The following ROBO2 variants were observed in gnomAD, a reference collection of about 807,000 sequenced individuals.
ROBO2 encodes roundabout guidance receptor 2.
Under a neutral mutation model 160.8 loss-of-function variants are expected in ROBO2, and 53 were observed. The observed-to-expected ratio is 0.33, with a 90% CI of 0.26 to 0.41. The LOEUF is 0.41. Ranked by LOEUF, ROBO2 falls within the 10% of genes least tolerant of loss-of-function variation. The probability of loss-of-function intolerance (pLI) is 1.00; values close to 1 mark genes in which losing one functional copy is unlikely to be tolerated. For synonymous variants in ROBO2, 664 were observed against 611.7 expected (o/e 1.09, Z -1.26); for missense variants, 1,577 against 1,722.4 (o/e 0.92, Z 1.49).
chr3:76,853,322 C>A (rs1002480093), intron 2 of ROBO2, among the ~76,000 whole-genome samples: 2 of 151,992 alleles, frequency 1.3e-5, no homozygotes, highest in Non-Finnish European at 2.9e-5. Flanking sequence ...AGTTACTCAG[C>A]CTTAGAAAGT....
intron 2 of ROBO2, among the ~76,000 whole-genome samples, chr3:77,430,216 A>G (rs2078634289): frequency 6.6e-6 from 1 of 152,104 alleles, no homozygotes; most frequent in Non-Finnish European, 1.5e-5. Flanking sequence ...GGTGACTAGA[A>G]GGGTGAGGGG....
At chr3:77,128,406 C>G (rs545654448) in intron 2 of ROBO2, among the ~76,000 whole-genome samples, 11 of 152,254 alleles carry the variant, frequency 7.2e-5, no homozygotes, top group African/African-American at 2.6e-4. Flanking sequence ...GGTACTATCC[C>G]TGGTTTCAGA....
intron 2 of ROBO2, among the ~76,000 whole-genome samples, chr3:76,281,509 C>T (rs1349316317): frequency 6.6e-6 from 1 of 151,818 alleles, no homozygotes; most frequent in East Asian, 1.9e-4. Context: ...CATAGTACTT[C>T]TATATACTGT....
At chr3:76,363,247 A>T (rs1404457771) in intron 2 of ROBO2, among the ~76,000 whole-genome samples, 1 of 151,934 alleles carries the variant, frequency 6.6e-6, no homozygotes, top group Non-Finnish European at 1.5e-5. Flanking sequence ...AGAGGGAATC[A>T]GTATCACATT....
chr3:77,154,274 T>C (rs2077788064), intron 2 of ROBO2, among the ~76,000 whole-genome samples: 1 of 152,040 alleles, frequency 6.6e-6, no homozygotes, highest in Non-Finnish European at 1.5e-5. Context: ...AAGCAATCAA[T>C]AATAAATAGG....
intron 2 of ROBO2, among the ~76,000 whole-genome samples, chr3:76,852,833 G>A (rs1347837824): frequency 6.6e-6 from 1 of 152,002 alleles, no homozygotes; most frequent in East Asian, 1.9e-4. Context: ...TACATTCACT[G>A]TTATATATAT....
chr3:76,243,199 C>G (rs1705405331), intron 2 of ROBO2, among the ~76,000 whole-genome samples: 1 of 152,118 alleles, frequency 6.6e-6, no homozygotes, highest in African/African-American at 2.4e-5. Flanking sequence ...CTCGCGGCCC[C>G]TTTAGCCCAT....
At chr3:76,470,916 T>C (rs1399322699) in intron 2 of ROBO2, among the ~76,000 whole-genome samples, 1 of 152,146 alleles carries the variant, frequency 6.6e-6, no homozygotes, top group Non-Finnish European at 1.5e-5. Context: ...CTTGGCTGCA[T>C]GCATTTAGTT....
At chr3:76,074,713 A>G (rs962639536) in intron 2 of ROBO2, among the ~76,000 whole-genome samples, 6 of 152,228 alleles carry the variant, frequency 3.9e-5, no homozygotes, top group African/African-American at 1.4e-4. Context: ...GACTGTTCAT[A>G]GTAAAATAGT....
intron 2 of ROBO2, among the ~76,000 whole-genome samples, chr3:76,653,510 A>G (rs888443433): frequency 6.6e-6 from 1 of 152,022 alleles, no homozygotes; most frequent in Non-Finnish European, 1.5e-5. Flanking sequence ...ATGATTTACT[A>G]TTTCAAAAAT....
At chr3:76,956,599 T>C (rs1209818158) in intron 2 of ROBO2, among the ~76,000 whole-genome samples, 3 of 149,852 alleles carry the variant, frequency 2.0e-5, no homozygotes, top group African/African-American at 4.9e-5. Context: ...GGTGCATCAG[T>C]GTTGCACAAA....
At chr3:77,568,614 T>C (rs754637896) in intron 13 of ROBO2, among the ~76,000 whole-genome samples, 180 bp downstream of exon 14, 19 of 152,048 alleles carry the variant, frequency 1.2e-4, no homozygotes, top group Non-Finnish European at 2.2e-4. Flanking sequence ...ATAGTAAGAA[T>C]AGATTATTAT....
At chr3:76,883,212 C>A (rs1358442765) in intron 2 of ROBO2, among the ~76,000 whole-genome samples, 3 of 152,078 alleles carry the variant, frequency 2.0e-5, no homozygotes, top group Non-Finnish European at 4.4e-5. Context: ...GAACTAAAAT[C>A]CTCATTGGAA....
chr3:77,339,501 C>T (rs1463862651), intron 2 of ROBO2, among the ~76,000 whole-genome samples: 1 of 152,078 alleles, frequency 6.6e-6, no homozygotes, highest in East Asian at 1.9e-4. Context: ...TTCGATGCAA[C>T]TTGCATCTGT....
At chr3:76,478,680 GTTTTTTT>G (rs1042265916) in intron 2 of ROBO2, among the ~76,000 whole-genome samples, 2 of 120,928 alleles carry the variant, frequency 1.7e-5, no homozygotes, top group Admixed American at 1.7e-4. Flanking sequence ...TTTTTTCTCT[GTTTTTTT>G]TTTTTTTTTT....
chr3:77,546,851 A>G (rs1174724274), intron 7 of ROBO2, among the ~76,000 whole-genome samples: 1 of 152,056 alleles, frequency 6.6e-6, no homozygotes, highest in Non-Finnish European at 1.5e-5. Flanking sequence ...GTGACATGGA[A>G]AACAGTCAAA....
chr3:77,082,239 T>A (rs376907386), intron 1 of ROBO2, among the ~76,000 whole-genome samples: 26 of 152,326 alleles, frequency 1.7e-4, no homozygotes, highest in Middle Eastern at 3.4e-3. Flanking sequence ...GTGATAGTGA[T>A]TAAGTGCCAT....
intron 2 of ROBO2, among the ~76,000 whole-genome samples, chr3:76,283,180 C>T (rs1322593676): frequency 8.0e-5 from 4 of 49,892 alleles, no homozygotes; most frequent in Admixed American, 7.6e-4. Context: ...TGACCCCTGC[C>T]ATGCAGCATT....
intron 2 of ROBO2, among the ~76,000 whole-genome samples, chr3:76,229,083 G>A (rs1474756193): frequency 6.6e-6 from 1 of 151,898 alleles, no homozygotes; most frequent in Non-Finnish European, 1.5e-5. Context: ...AAATTCTCTA[G>A]TATATCAGTT....
Sources: allele counts gnomAD v4.1 joint callset (sites outside exome capture counted in the v4.1 genomes callset), GRCh38; gene constraint gnomAD v4.1.1; transcripts MANE v1.5; gene names NCBI Gene and HGNC (gene_info 2026-07-23, HGNC 2026-07-21).